Variants in CDH12 observed in about 807,000 individuals in gnomAD.
The protein encoded by CDH12 is cadherin 12.
In CDH12, 41 loss-of-function variants were observed where a neutral mutation model predicts 74.1. The observed-to-expected ratio is 0.55, with a 90% CI of 0.43 to 0.72. The LOEUF is 0.72. Ranked by LOEUF, CDH12 falls within the 30% of genes least tolerant of loss-of-function variation. The probability of loss-of-function intolerance (pLI) is 0.00; values close to 1 mark genes in which losing one functional copy is unlikely to be tolerated. For missense variants in CDH12, 945 were observed against 977.2 expected, an observed-to-expected ratio of 0.97 and a Z score of 0.44; for synonymous variants, 399 against 355.0, an observed-to-expected ratio of 1.12 and a Z score of -1.39.
At chr5:21,970,410 C>G (rs892695677) in intron 6 of CDH12, among the ~76,000 whole-genome samples, 13 of 152,206 alleles carry the variant, frequency 8.5e-5, no homozygotes, top group Non-Finnish European at 1.3e-4. Flanking sequence ...ATTTGTCTCT[C>G]TATGGCATTT....
chr5:22,744,469 A>G (rs1314356087), intron 1 of CDH12, among the ~76,000 whole-genome samples: 1 of 152,188 alleles, frequency 6.6e-6, no homozygotes, highest in Non-Finnish European at 1.5e-5. Flanking sequence ...TAATCATACA[A>G]TGCGTAAATG....
intron 3 of CDH12, among the ~76,000 whole-genome samples, chr5:22,340,955 A>AT (rs1203208414): frequency 6.6e-6 from 1 of 152,208 alleles, no homozygotes; most frequent in Non-Finnish European, 1.5e-5. Flanking sequence ...TATCTTTGTA[A>AT]TATAAATGAC....
At chr5:22,309,566 C>T (rs1405272144) in intron 3 of CDH12, among the ~76,000 whole-genome samples, 2 of 152,104 alleles carry the variant, frequency 1.3e-5, no homozygotes, top group Non-Finnish European at 2.9e-5. Context: ...CCTCATCTCA[C>T]AGTCAACTGT....
rs568273224 is a variant in CDH12, at chr5:22,149,951, G to A, written c.-187+62547C>T. The stretch of plus-strand genomic sequence containing the variant: ...GGAGGTTGCAATGAGCCAAGATCAT[G>A]TGACTGCACTCCAGCCTGGGTGACA... On this transcript the variant is annotated intron_variant, in intron 4 of 14. Coordinates refer to ENST00000382254, the MANE Select transcript of CDH12 (RefSeq NM_004061.5). Among the ~76,000 whole-genome samples the A allele has an allele frequency of 3.9e-5, 6 of 152,234 alleles. No individual in the cohort carries two copies. In the East Asian group the frequency reaches 9.7e-4, roughly 25 times the overall value.
chr5:22,293,991 A>G (rs903368913), intron 3 of CDH12, among the ~76,000 whole-genome samples: 5 of 152,220 alleles, frequency 3.3e-5, no homozygotes, highest in African/African-American at 9.6e-5. Flanking sequence ...CACAAAAACA[A>G]TAACTATGTG....
chr5:22,716,794 T>A (rs1207508591), intron 1 of CDH12, among the ~76,000 whole-genome samples: 1 of 151,858 alleles, frequency 6.6e-6, no homozygotes, highest in Non-Finnish European at 1.5e-5. Flanking sequence ...GGCTAACATG[T>A]CTGCTTGTGT....
intron 5 of CDH12, among the ~76,000 whole-genome samples, chr5:22,077,626 C>T (rs1289657217): frequency 2.0e-5 from 3 of 151,822 alleles, no homozygotes; most frequent in East Asian, 3.9e-4. Context: ...AAATATAATA[C>T]TTATTTTTGG....
At chr5:22,070,635 G>A (rs1741875129) in intron 5 of CDH12, among the ~76,000 whole-genome samples, 1 of 152,104 alleles carries the variant, frequency 6.6e-6, no homozygotes, top group South Asian at 2.1e-4. Context: ...AGGCCCCACT[G>A]CAGATTTTGA....
intron 1 of CDH12, among the ~76,000 whole-genome samples, chr5:22,665,970 A>G (rs1740591799): frequency 6.6e-6 from 1 of 152,136 alleles, no homozygotes; most frequent in African/African-American, 2.4e-5. Flanking sequence ...ACTTGACTCA[A>G]TGTTAAACCT....
Position 21,812,285 on chromosome 5 carries a change from A to T in CDH12, c.1002+4660T>A, listed in dbSNP as rs186741181. 2.6e-5 allele frequency among the ~76,000 whole-genome samples: 4 copies of T among 152,210 alleles called. No homozygotes were observed. The East Asian group carries it at 7.8e-4, about 29-fold the overall frequency. ...TTCAAATGTAGAATATATATTTGGG[A>T]CTTTCTAAATGCATTTAGTATACTT... is the stretch of plus-strand genomic sequence containing the variant. On this transcript the variant is annotated intron_variant, in intron 9 of 14. Coordinates refer to ENST00000382254, the MANE Select transcript of CDH12 (RefSeq NM_004061.5).
chr5:21,881,059 T>C (rs1752330325), intron 6 of CDH12, among the ~76,000 whole-genome samples: 1 of 152,162 alleles, frequency 6.6e-6, no homozygotes, highest in Non-Finnish European at 1.5e-5. Context: ...AGCCATCTAT[T>C]AAGTGACCAC....
At chr5:22,297,006 G>C (rs1294680238) in intron 3 of CDH12, among the ~76,000 whole-genome samples, 1 of 151,276 alleles carries the variant, frequency 6.6e-6, no homozygotes. Flanking sequence ...TTTAATTGTT[G>C]TTGTTATCGT....
At chr5:22,350,124 T>C (rs1228364452) in intron 3 of CDH12, among the ~76,000 whole-genome samples, 1 of 152,168 alleles carries the variant, frequency 6.6e-6, no homozygotes, top group Non-Finnish European at 1.5e-5. Context: ...ATAATTTTAG[T>C]AACGACTAAG....
At chr5:22,843,719 T>C (rs540533381) in intron 1 of CDH12, among the ~76,000 whole-genome samples, 3 of 151,974 alleles carry the variant, frequency 2.0e-5, no homozygotes, top group Non-Finnish European at 4.4e-5. Flanking sequence ...ATTTAAAATA[T>C]ATTTCCAGTG....
At chr5:21,895,986 C>A (rs1489053576) in intron 6 of CDH12, among the ~76,000 whole-genome samples, 3 of 152,130 alleles carry the variant, frequency 2.0e-5, no homozygotes, top group Non-Finnish European at 4.4e-5. Context: ...AGAACAATTC[C>A]CTTCCCTTGG....
At chr5:22,473,180 C>A (rs1021913863) in intron 2 of CDH12, among the ~76,000 whole-genome samples, 5 of 152,096 alleles carry the variant, frequency 3.3e-5, no homozygotes, top group Admixed American at 2.0e-4. Flanking sequence ...CTCAATTTCT[C>A]ACTTAAACCA....
chr5:22,324,150 ATAT>A (rs1299685331), intron 3 of CDH12, among the ~76,000 whole-genome samples: 1 of 152,150 alleles, frequency 6.6e-6, no homozygotes, highest in Non-Finnish European at 1.5e-5. Flanking sequence ...TGCAATGATG[ATAT>A]TATAACAAAG....
At chr5:22,096,221 C>T (rs1008610701) in intron 4 of CDH12, among the ~76,000 whole-genome samples, 2 of 152,102 alleles carry the variant, frequency 1.3e-5, no homozygotes, top group Non-Finnish European at 1.5e-5. Flanking sequence ...AATACAAACT[C>T]GACAGTAGTT....
At chr5:22,602,462 G>T (rs988009564) in intron 1 of CDH12, among the ~76,000 whole-genome samples, 1 of 152,064 alleles carries the variant, frequency 6.6e-6, no homozygotes, top group Non-Finnish European at 1.5e-5. Context: ...AAGCTTGCTT[G>T]TTGTTTTATC....
Sources: gnomAD v4.1 joint callset for allele counts (sites outside exome capture counted in the v4.1 genomes callset) on GRCh38, gnomAD v4.1.1 for gene constraint, MANE v1.5 for transcripts, NCBI Gene and HGNC (gene_info 2026-07-23, HGNC 2026-07-21) for gene names.